RPL28: variants seen among roughly 807,000 people sequenced by gnomAD.
RPL28 encodes large ribosomal subunit protein eL28.
A neutral mutation model predicts 12.5 loss-of-function variants in RPL28; 4 were observed. That is an observed-to-expected ratio of 0.32 (90% CI 0.16 to 0.73). The LOEUF is 0.73. RPL28 is among the 30% of genes least tolerant of loss of function. RPL28 has a pLI of 0.66. For missense variants in RPL28, 214 were observed against 197.7 expected, an observed-to-expected ratio of 1.08 and a Z score of -0.49; for synonymous variants, 91 against 72.5, an observed-to-expected ratio of 1.26 and a Z score of -1.30.
In RPL28 at chr19:55,389,984, C is replaced by G; in HGVS notation, c.*1652C>G. 2 of 985,536 alleles carry G rather than the reference C, an allele frequency of 2.0e-6. No individual in the cohort carries two copies. The highest frequency in any genetic ancestry group is 1.7e-5 in the African/African-American group (1 of 57,364). 61.0% of individuals were successfully genotyped at this position (985,536 alleles called of 1,614,324 possible). The stretch of plus-strand genomic sequence containing the variant: ...CTTCATAAGGAGAGCTCACTGCTCA[C>G]GTTAGTAGATGGCCCCTTCTCGTGA... On this transcript the variant is annotated 3_prime_UTR_variant, in exon 5 of 5. Transcript: ENST00000344063.
rs2089984819 is a variant in RPL28 at position 55,390,979 on chromosome 19, CATG to C, written c.*2650_*2652del. On this transcript the variant is annotated 3_prime_UTR_variant, in exon 5 of 5. Transcript: ENST00000344063. Reference sequence around the variant, plus strand: ...ATTGGAAAACCAGTTAAACCAAAAACATGATATTAAGAAAACAGGCAGGCTCAC... The same window carrying C: ...ATTGGAAAACCAGTTAAACCAAAAACATATTAAGAAAACAGGCAGGCTCAC... The C allele has an allele frequency of 1.0e-6, 1 of 984,694 alleles. No individual in the cohort carries two copies. The highest frequency in any genetic ancestry group is 4.7e-5 in the South Asian group (1 of 21,274). 61.0% of individuals were successfully genotyped at this position (984,694 alleles called of 1,614,324 possible). A position where few individuals can be genotyped will look rare whatever the true frequency, so the allele number is the denominator to read the frequency against.
downstream of RPL28, among the ~76,000 whole-genome samples, chr19:55,395,782 A>G (rs1409255149): frequency 6.6e-6 from 1 of 152,124 alleles, no homozygotes; most frequent in African/African-American, 2.4e-5. Flanking sequence ...CTATAATGAA[A>G]TGGCTCCCTT....
rs146428513 is a variant in RPL28, at chr19:55,400,813, C to T, written c.325-2130C>T. 1,249 of 152,852 alleles carry T rather than the reference C, an allele frequency of 8.2e-3. 13 individuals are homozygous for T. Among genetic ancestry groups the T allele is most frequent in the Admixed American group, 0.016 (247 of 15,352 alleles). 9.5% of individuals were successfully genotyped at this position (152,852 alleles called of 1,614,324 possible). ...TGTTGTGCAGAAATACATGTGGGAA[C>T]AGGCTTTGCTGCCCACAAGGGAAAA... On this transcript the variant is annotated intron_variant, in intron 4 of 4. Transcript: ENST00000560055.
At position 55,389,790 on chromosome 19, in the gene RPL28, T is replaced by G. The variant is rs1156804952; in HGVS notation, c.*1458T>G. On this transcript the variant is annotated 3_prime_UTR_variant, in exon 5 of 5. Coordinates refer to ENST00000344063, the MANE Select transcript of RPL28 (RefSeq NM_000991.5). ...TGAGAGGTGTTGCCTTAAAACTGAG[T>G]TGGGTGACTTGGTACCTGCTCAGGA... 8 of 985,354 alleles carry G rather than the reference T, an allele frequency of 8.1e-6. No individual in the cohort carries two copies. Among genetic ancestry groups the G allele is most frequent in the East Asian group, 2.3e-4 (2 of 8,820 alleles). 61.0% of individuals were successfully genotyped at this position (985,354 alleles called of 1,614,324 possible).
chr19:55,401,669 C>T (rs2090059924), intron 4 of RPL28: 2 of 1,611,884 alleles, frequency 1.2e-6, no homozygotes, highest in Non-Finnish European at 1.7e-6. Flanking sequence ...CGGGCCCGAG[C>T]CGCATACTCC....
At position 55,388,549 on chromosome 19, in the gene RPL28, G is replaced by A; in HGVS notation, c.*217G>A. 4 of 1,263,280 alleles carry A rather than the reference G, an allele frequency of 3.2e-6. No individual in the cohort carries two copies. The highest frequency in any genetic ancestry group is 3.2e-5 in the South Asian group (1 of 31,384). 78.3% of individuals were successfully genotyped at this position (1,263,280 alleles called of 1,614,324 possible). On this transcript the variant is annotated 3_prime_UTR_variant, in exon 5 of 5. Transcript: ENST00000344063. Reference sequence around the variant, plus strand: ...CTGCCTTGTCCCTGGTGAGGGCAAGGGTCACTGTCTTCACAGAAAAAGTTT... The same window carrying A: ...CTGCCTTGTCCCTGGTGAGGGCAAGAGTCACTGTCTTCACAGAAAAAGTTT...
At position 55,385,954 on chromosome 19, in the gene RPL28, C is replaced by T; in HGVS notation, c.-20C>T. 1.2e-5 allele frequency: 3 copies of T among 244,680 alleles called. 1 individual carries two copies. The South Asian group carries it at 1.4e-4, about 11-fold the overall frequency. 15.2% of individuals were successfully genotyped at this position (244,680 alleles called of 1,614,324 possible). On this transcript the variant is annotated 5_prime_UTR_variant, in exon 1 of 5. Transcript: ENST00000344063. ...TTCCTCTTTCCGTCTCAGGTCGCCG[C>T]TGCGAAGGGAGGTGAGCGTTCGTCT...
At position 55,389,004 on chromosome 19, in the gene RPL28, CTT is replaced by C. The variant is rs910838003; in HGVS notation, c.*674_*675del. The C allele has an allele frequency of 2.0e-4, 200 of 985,566 alleles. No individual in the cohort carries two copies. Among genetic ancestry groups the C allele is most frequent in the Non-Finnish European group, 2.1e-4 (174 of 830,002 alleles). 61.1% of individuals were successfully genotyped at this position (985,566 alleles called of 1,614,324 possible). On this transcript the variant is annotated 3_prime_UTR_variant, in exon 5 of 5. Transcript: ENST00000344063. ...AGGTGTCCCCATCCCTCCCCTGTCT[CTT>C]TGAGCTGGCTCTTGTCACTTAGGTC... is the stretch of plus-strand genomic sequence containing the variant.
chr19:55,397,801 G>A (rs1056277216), intron 4 of RPL28, among the ~76,000 whole-genome samples: 1 of 145,618 alleles, frequency 6.9e-6, no homozygotes, highest in Non-Finnish European at 1.5e-5. Flanking sequence ...GAGGTGGGAG[G>A]TGGGAGGATC....
At position 55,391,378 on chromosome 19, in the gene RPL28, G is replaced by A. The variant is rs886159981; in HGVS notation, c.*3046G>A. On this transcript the variant is annotated 3_prime_UTR_variant, in exon 5 of 5. Transcript: ENST00000344063. Reference sequence around the variant, plus strand: ...GAGTGCCTTTCACAGCCCTGCATAAGGCAGGTGTCTCAGTGTTCACTGCTG... The same window carrying A: ...GAGTGCCTTTCACAGCCCTGCATAAAGCAGGTGTCTCAGTGTTCACTGCTG... 8.0e-7 allele frequency: 1 copy of A among 1,246,940 alleles called. No individual in the cohort carries two copies. The highest frequency in any genetic ancestry group is 1.5e-5 in the African/African-American group (1 of 65,002). The allele number at this position is 1,246,940 out of a possible 1,614,324, so 77.2% of individuals were successfully genotyped here.
In RPL28 at chr19:55,388,442, G is replaced by T. The variant is rs184536582; in HGVS notation, c.*110G>T. 2.2e-6 allele frequency: 3 copies of T among 1,362,638 alleles called. No individual in the cohort carries two copies. In the African/African-American group the frequency reaches 4.5e-5, roughly 20 times the overall value. 84.4% of individuals were successfully genotyped at this position (1,362,638 alleles called of 1,614,324 possible). On this transcript the variant is annotated 3_prime_UTR_variant, in exon 5 of 5. Coordinates refer to ENST00000344063, the MANE Select transcript of RPL28 (RefSeq NM_000991.5). ...TCTGGCCCTGTGTGTTGTCATTCAG[G>T]CCATGTCATCAAAACTCTGCATGTC...
At chr19:55,387,385 T>G in intron 3 of RPL28, 8 of 1,551,076 alleles carry the variant, frequency 5.2e-6, no homozygotes, top group Non-Finnish European at 7.0e-6. Context: ...GTGATCCTCC[T>G]GTCTCAGGGA....
rs190042079 is a variant in RPL28, at chr19:55,387,144, C to T, written c.205+451C>T. 3.0e-4 allele frequency: 383 copies of T among 1,292,908 alleles called. 1 individual carries two copies. In the African/African-American group the frequency reaches 5.2e-3, roughly 17 times the overall value. The allele number at this position is 1,292,908 out of a possible 1,614,324, so 80.1% of individuals were successfully genotyped here. ...TGCCTGTGTAGGTTAGAGAAGAGGT[C>T]TTGGGGACCCCACTCCATACATTGT... On this transcript the variant is annotated intron_variant, in intron 3 of 4. Transcript: ENST00000344063.
intron 1 of RPL28, 104 bp downstream of exon 1, chr19:55,386,069 G>A (rs892460653): frequency 4.9e-6 from 2 of 410,886 alleles, no homozygotes; most frequent in African/African-American, 2.0e-5. Context: ...GGTCATTGGC[G>A]GACCCCAACC....
In RPL28 at chr19:55,391,258, A is replaced by G. The variant is rs543686959; in HGVS notation, c.*2926A>G. On this transcript the variant is annotated 3_prime_UTR_variant, in exon 5 of 5. Transcript: ENST00000344063. ...CCAGGAATCAAACTGCCTGGGTTCC[A>G]GTCCCAGCTCTGCCAGTTATGCCCA... 3 of 348,712 alleles carry G rather than the reference A, an allele frequency of 8.6e-6. No individual in the cohort carries two copies. Among genetic ancestry groups the G allele is most frequent in the South Asian group, 1.2e-4 (1 of 8,602 alleles). The allele number at this position is 348,712 out of a possible 1,614,324, so 21.6% of individuals were successfully genotyped here.
At position 55,391,845 on chromosome 19, in the gene RPL28, C is replaced by T. The variant is rs1034190463; in HGVS notation, c.*3513C>T. 18 of 1,391,672 alleles carry T rather than the reference C, an allele frequency of 1.3e-5. No individual in the cohort carries two copies. Among genetic ancestry groups the T allele is most frequent in the Middle Eastern group, 2.6e-4 (1 of 3,904 alleles). 86.2% of individuals were successfully genotyped at this position (1,391,672 alleles called of 1,614,324 possible). A position where few individuals can be genotyped will look rare whatever the true frequency, so the allele number is the denominator to read the frequency against. On this transcript the variant is annotated 3_prime_UTR_variant, in exon 5 of 5. Transcript: ENST00000344063. ...ACTAATTTGTACACAAACTAATGCT[C>T]GTGTTTCCCAAGCACCTGGAAGACA... is the stretch of plus-strand genomic sequence containing the variant.
At chr19:55,402,858 A>G (rs1241268021) in intron 4 of RPL28, 1 of 1,162,620 alleles carries the variant, frequency 8.6e-7, no homozygotes, top group African/African-American at 1.5e-5. Flanking sequence ...CTCCCTCCCC[A>G]TGGCAGGAAA....
chr19:55,386,721 A>G, intron 3 of RPL28, 28 bp downstream of exon 3: 1 of 1,612,818 alleles, frequency 6.2e-7, no homozygotes, highest in Non-Finnish European at 8.5e-7. Flanking sequence ...TGGGCCAGAG[A>G]GCGGCCCCTT....
chr19:55,399,610 C>T (rs1180438180), intron 4 of RPL28: 1 of 152,142 alleles, frequency 6.6e-6, no homozygotes, highest in African/African-American at 2.4e-5. Flanking sequence ...CTGTCTAATT[C>T]GGTCTTGGTA....
Sources: allele counts gnomAD v4.1 joint callset (sites outside exome capture counted in the v4.1 genomes callset), GRCh38; gene constraint gnomAD v4.1.1; transcripts MANE v1.5; gene names NCBI Gene and HGNC (gene_info 2026-07-23, HGNC 2026-07-21).